The following LMO7 variants were observed in gnomAD, a reference collection of about 807,000 sequenced individuals.
LMO7 encodes the protein LIM domain only protein 7.
A neutral mutation model predicts 206.5 loss-of-function variants in LMO7; 120 were observed. The ratio of observed to expected loss-of-function variants is 0.58; its 90% CI spans 0.50 to 0.68. The LOEUF is 0.68. Ranked by LOEUF, LMO7 falls within the 30% of genes least tolerant of loss-of-function variation. The pLI is 0.00. For missense variants in LMO7, 1,959 were observed against 1,957.9 expected (o/e 1.00, Z -0.01); for synonymous variants, 706 against 681.5 (o/e 1.04, Z -0.56).
At chr13:75,855,884 G>A (rs903274937) in intron 29 of LMO7, among the ~76,000 whole-genome samples, 21 of 152,220 alleles carry the variant, frequency 1.4e-4, no homozygotes, top group African/African-American at 2.4e-5. Context: ...TGTCTCTAAA[G>A]ACATATCTGT....
intron 12 of LMO7, among the ~76,000 whole-genome samples, chr13:75,817,936 A>G (rs946949276): frequency 1.3e-5 from 2 of 152,184 alleles, no homozygotes; most frequent in African/African-American, 4.8e-5. Context: ...GCAAAGAAAT[A>G]CAGTAGACAA....
At chr13:75,656,125 C>G (rs2038044893) in intron 1 of LMO7, among the ~76,000 whole-genome samples, 1 of 152,200 alleles carries the variant, frequency 6.6e-6, no homozygotes. Context: ...CTGTGGATCA[C>G]TTTGTCCTGT....
At chr13:75,776,096 T>G (rs1313679244) in intron 4 of LMO7, among the ~76,000 whole-genome samples, 11 of 22,756 alleles carry the variant, frequency 4.8e-4, no homozygotes, top group African/African-American at 6.6e-4. Flanking sequence ...ATGTTGTGGA[T>G]ATATATATAT....
chr13:75,661,272 A>G (rs2038573349), intron 1 of LMO7, among the ~76,000 whole-genome samples: 1 of 152,182 alleles, frequency 6.6e-6, no homozygotes, highest in Non-Finnish European at 1.5e-5. Context: ...AGGAAAGTTG[A>G]GATGTATTAA....
At position 75,856,546 on chromosome 13, in the gene LMO7, G is replaced by A. The variant is rs775729203; in HGVS notation, c.4811G>A (p.Gly1604Glu). ...TGTGACCTCGGAGGCTCTTCCTCAG[G>A]AGCTGAAGTCAGGATCAGAAACCAC... ...CECDLGGSSSGAEVRIRNHQL... is the reference protein window; with the variant it reads ...CECDLGGSSSEAEVRIRNHQL... The change falls in exon 30 of 31, where the codon GGA becomes GAA. Residue 1604 changes from glycine (G) to glutamate (E), a missense_variant. Coordinates refer to ENST00000377534, the MANE Select transcript of LMO7 (RefSeq NM_001306080.2). 4 of 1,612,750 alleles carry A rather than the reference G, an allele frequency of 2.5e-6. No homozygotes were observed. In the African/African-American group the frequency reaches 5.3e-5, roughly 22 times the overall value.
intron 7 of LMO7, among the ~76,000 whole-genome samples, 156 bp downstream of exon 7, chr13:75,801,038 T>G (rs79708305): frequency 0.01 from 1,549 of 152,244 alleles, 26 homozygotes; most frequent in East Asian, 0.068. Flanking sequence ...TTTGTTATTT[T>G]TTTCTCCTTC....
intron 2 of LMO7, among the ~76,000 whole-genome samples, chr13:75,714,186 T>G (rs2043335864): frequency 6.6e-6 from 1 of 152,216 alleles, no homozygotes. Flanking sequence ...TAGGTTAGAT[T>G]TCTTGCTCCA....
chr13:75,624,039 C>G (rs551199861), intron 2 of LMO7, among the ~76,000 whole-genome samples: 3 of 152,322 alleles, frequency 2.0e-5, no homozygotes, highest in Non-Finnish European at 4.4e-5. Context: ...CATGGATTAT[C>G]AAGAGTGTAC....
At chr13:75,757,356 C>T (rs2047757172) in intron 3 of LMO7, among the ~76,000 whole-genome samples, 1 of 152,208 alleles carries the variant, frequency 6.6e-6, no homozygotes, top group Non-Finnish European at 1.5e-5. Flanking sequence ...GAATTACCTT[C>T]AGAAACTAAA....
intron 27 of LMO7, among the ~76,000 whole-genome samples, chr13:75,852,406 A>G (rs148746406): frequency 6.6e-6 from 1 of 152,312 alleles, no homozygotes; most frequent in Non-Finnish European, 1.5e-5. Flanking sequence ...TACCTGGGTG[A>G]TGAAATAATC....
rs1275953484 is a variant in LMO7 at position 75,641,846 on chromosome 13, G to A, written c.69+5120G>A. Among the ~76,000 whole-genome samples the A allele has an allele frequency of 2.7e-5, 4 of 150,824 alleles. No homozygotes were observed. In the East Asian group the frequency reaches 7.8e-4, roughly 29 times the overall value. ...ATTTCTTTTTTTTTTTTTTGGTAGA[G>A]ACAGGGTTTCACTGTATTGCTCAGG... On this transcript the variant is annotated intron_variant, in intron 1 of 30. Coordinates refer to ENST00000377534, the MANE Select transcript of LMO7 (RefSeq NM_001306080.2).
chr13:75,655,532 T>G (rs2037976333), intron 1 of LMO7, among the ~76,000 whole-genome samples: 1 of 151,814 alleles, frequency 6.6e-6, no homozygotes, highest in African/African-American at 2.4e-5. Context: ...ATGATTTCTA[T>G]CTCTTTGTAA....
At chr13:75,675,551 T>A (rs35791631) in intron 1 of LMO7, among the ~76,000 whole-genome samples, 14,577 of 152,246 alleles carry the variant, frequency 0.096, 765 homozygotes, top group Middle Eastern at 0.12. Context: ...TAGCATTTTG[T>A]TTGTTTTGTT....
intron 11 of LMO7, among the ~76,000 whole-genome samples, chr13:75,811,075 A>G (rs1444985257): frequency 6.6e-6 from 1 of 152,234 alleles, no homozygotes; most frequent in Admixed American, 6.5e-5. Context: ...GTATTATAAT[A>G]TGAATGTGTC....
At chr13:75,661,836 C>A (rs555851556) in intron 1 of LMO7, among the ~76,000 whole-genome samples, 1 of 152,168 alleles carries the variant, frequency 6.6e-6, no homozygotes, top group Non-Finnish European at 1.5e-5. Flanking sequence ...AGATTCTTAA[C>A]CATTCTCCCA....
chr13:75,632,092 G>T (rs188164488), upstream of LMO7: 1 of 152,146 alleles, frequency 6.6e-6, no homozygotes, highest in East Asian at 1.9e-4. Flanking sequence ...ATATTGAAAG[G>T]TATCTCAAAT....
intron 4 of LMO7, among the ~76,000 whole-genome samples, chr13:75,780,576 G>C (rs1227263610): frequency 2.0e-5 from 3 of 152,096 alleles, no homozygotes; most frequent in Non-Finnish European, 2.9e-5. Flanking sequence ...TCTACAATTT[G>C]TGCAGATAAC....
At chr13:75,711,468 A>C (rs1288940484) in intron 1 of LMO7, among the ~76,000 whole-genome samples, 2 of 152,126 alleles carry the variant, frequency 1.3e-5, no homozygotes, top group Non-Finnish European at 2.9e-5. Flanking sequence ...TTATTGCCTC[A>C]ATTTCAGAGC....
chr13:75,789,689 A>G (rs1313807590), intron 4 of LMO7, among the ~76,000 whole-genome samples: 1 of 152,146 alleles, frequency 6.6e-6, no homozygotes, highest in African/African-American at 2.4e-5. Flanking sequence ...AGAGCATAGT[A>G]TGCTCTAAAC....
Sources: gnomAD v4.1 joint callset for allele counts (sites outside exome capture counted in the v4.1 genomes callset) on GRCh38, gnomAD v4.1.1 for gene constraint, MANE v1.5 for transcripts, NCBI Gene and HGNC (gene_info 2026-07-23, HGNC 2026-07-21) for gene names.